The following COLEC11 variants were observed in gnomAD, a reference collection of about 807,000 sequenced individuals.
The protein encoded by COLEC11 is collectin subfamily member 11, also known as collectin-11.
Under a neutral mutation model 27.3 loss-of-function variants are expected in COLEC11, and 20 were observed. The observed-to-expected ratio is 0.73, with a 90% CI of 0.51 to 1.06. COLEC11 has a LOEUF of 1.06. COLEC11 is among the 50% of genes least tolerant of loss of function. The pLI is 0.00. For missense variants in COLEC11, 310 were observed against 383.0 expected (o/e 0.81, Z 1.59); for synonymous variants, 163 against 154.7 (o/e 1.05, Z -0.40).
chr2:3,606,208 C>T (rs141032325), intron 2 of COLEC11: 20 of 1,550,302 alleles, frequency 1.3e-5, no homozygotes, highest in African/African-American at 2.7e-5. Flanking sequence ...TGGGTGCCTC[C>T]GAGTCCCTAC....
Position 3,640,279 on chromosome 2 carries a change from T to A in COLEC11, c.276T>A (p.Gly92=). 6.3e-7 allele frequency: 1 copy of A among 1,591,732 alleles called. No homozygotes were observed. Among genetic ancestry groups the A allele is most frequent in the Non-Finnish European group, 8.6e-7 (1 of 1,159,712 alleles). ...TTGGACCTTGTTTTTTATTTTCAGG[T>A]GAGAAAGGAGATTCCGGTGACATAG... The part of the protein sequence containing the change: ...HGKIGPIGSK[G]EKGDSGDIGP... Residue 92 remains glycine (G), a splice_region_variant and synonymous_variant, in exon 5 of 7, where the codon GGT becomes GGA. Coordinates refer to ENST00000349077, the MANE Select transcript of COLEC11 (RefSeq NM_024027.5).
At chr2:3,614,783 G>A (rs184206230) in intron 3 of COLEC11, among the ~76,000 whole-genome samples, 173 of 151,838 alleles carry the variant, frequency 1.1e-3, no homozygotes, top group African/African-American at 4.0e-3. Context: ...CAAAGTAAAC[G>A]AAAAAAAGTT....
intron 5 of COLEC11, among the ~76,000 whole-genome samples, chr2:3,641,886 C>T (rs542517003): frequency 1.3e-5 from 2 of 152,278 alleles, no homozygotes; most frequent in South Asian, 2.1e-4. Flanking sequence ...ACCCGCACAC[C>T]GCAGCGATGG....
intron 2 of COLEC11, among the ~76,000 whole-genome samples, chr2:3,604,809 A>G (rs1662512575): frequency 6.6e-6 from 1 of 152,124 alleles, no homozygotes; most frequent in Admixed American, 6.5e-5. Context: ...ACCATTTTAC[A>G]GATAAGGAAA....
chr2:3,613,376 G>GAAA lies in COLEC11; in HGVS notation c.199_201dup (p.Lys67dup). ...GCCTGGAAGAGTCGGCCCCACGGGA[G>GAAA]AAAAAGGTACCTGCAGCCCTGGGCC... On this transcript the variant is annotated inframe_insertion, in exon 3 of 7. Transcript: ENST00000349077. 2.5e-6 allele frequency: 4 copies of GAAA among 1,598,804 alleles called. No homozygotes were observed. Among genetic ancestry groups the GAAA allele is most frequent in the Non-Finnish European group, 3.4e-6 (4 of 1,172,676 alleles).
intron 3 of COLEC11, among the ~76,000 whole-genome samples, chr2:3,633,940 TATC>T (rs1665198649): frequency 6.6e-6 from 1 of 152,146 alleles, no homozygotes; most frequent in Admixed American, 6.5e-5. Flanking sequence ...TTTCAGGGAA[TATC>T]AGCTTTTCTG....
chr2:3,615,616 C>T (rs965161312), intron 3 of COLEC11, among the ~76,000 whole-genome samples: 5 of 152,274 alleles, frequency 3.3e-5, no homozygotes, highest in African/African-American at 9.6e-5. Flanking sequence ...ACAAAACCGC[C>T]ATCGTCATCA....
intron 2 of COLEC11, chr2:3,605,886 T>G: frequency 1.8e-6 from 1 of 545,074 alleles, no homozygotes; most frequent in Non-Finnish European, 3.1e-6. Context: ...GGCTGGGGGC[T>G]TTTTTCCGGC....
intron 3 of COLEC11, among the ~76,000 whole-genome samples, chr2:3,633,399 G>C (rs575718839): frequency 3.3e-5 from 5 of 152,354 alleles, no homozygotes; most frequent in African/African-American, 4.8e-5. Context: ...TGAATCACAC[G>C]GCCAGATGTT....
intron 1 of COLEC11, among the ~76,000 whole-genome samples, chr2:3,598,652 G>C (rs996448570): frequency 6.6e-6 from 1 of 152,204 alleles, no homozygotes; most frequent in Admixed American, 6.5e-5. Flanking sequence ...TGAGCACAGG[G>C]GAGAAGGGTG....
chr2:3,631,610 C>A (rs987848964), intron 3 of COLEC11, among the ~76,000 whole-genome samples: 1 of 152,156 alleles, frequency 6.6e-6, no homozygotes, highest in East Asian at 1.9e-4. Flanking sequence ...GTTTGGGCCA[C>A]CTGTAGCCAC....
At position 3,602,672 on chromosome 2, in the gene COLEC11, A is replaced by G. The variant is rs1488727835; in HGVS notation, c.-26-1643A>G. Among the ~76,000 whole-genome samples, 1 of 151,962 alleles carries G rather than the reference A, an allele frequency of 6.6e-6. No individual in the cohort carries two copies. The highest frequency in any genetic ancestry group is 1.5e-5 in the Non-Finnish European group (1 of 67,994). ...TTTGTAAAGCCGCTCGCTGATCCAG[A>G]CCCTCTGTCTCATACAGAGCAACCC... On this transcript the variant is annotated intron_variant, in intron 1 of 6. Coordinates refer to ENST00000349077, the MANE Select transcript of COLEC11 (RefSeq NM_024027.5). This position sits in a 1 kb window ranked among gnomAD's most constrained non-coding sequence, Gnocchi z 6.2.
At chr2:3,615,603 T>A (rs1181050892) in intron 3 of COLEC11, among the ~76,000 whole-genome samples, 1 of 152,256 alleles carries the variant, frequency 6.6e-6, no homozygotes, top group Non-Finnish European at 1.5e-5. Flanking sequence ...CCTTTTCTAT[T>A]TGACAAAACC....
chr2:3,627,840 C>G (rs912614390), intron 3 of COLEC11, among the ~76,000 whole-genome samples: 2 of 152,144 alleles, frequency 1.3e-5, no homozygotes, highest in South Asian at 4.1e-4. Context: ...TAACACTGGG[C>G]GTGATGACAA....
intron 1 of COLEC11, among the ~76,000 whole-genome samples, chr2:3,600,731 G>A (rs1662156008): frequency 6.6e-6 from 1 of 152,224 alleles, no homozygotes; most frequent in Non-Finnish European, 1.5e-5. Context: ...TGTGTGGTTA[G>A]ACCTCGTCAT....
intron 3 of COLEC11, among the ~76,000 whole-genome samples, chr2:3,636,667 C>T (rs1558516494): frequency 1.3e-5 from 2 of 152,186 alleles, no homozygotes; most frequent in Non-Finnish European, 2.9e-5. Flanking sequence ...TGTTTGATGT[C>T]TGCTGGTTGG....
chr2:3,637,476 A>T, intron 3 of COLEC11, 57 bp from the exon 4 acceptor site: 1 of 1,364,130 alleles, frequency 7.3e-7, no homozygotes, highest in Non-Finnish European at 1.1e-6. Flanking sequence ...TGTGTGATGG[A>T]GGAGGCCACG....
At chr2:3,634,311 AAT>A (rs576519724) in intron 3 of COLEC11, among the ~76,000 whole-genome samples, 80 of 152,272 alleles carry the variant, frequency 5.3e-4, no homozygotes, top group South Asian at 2.1e-3. Flanking sequence ...TCAGACAGAT[AAT>A]AGTTTTTAAA....
intron 2 of COLEC11, among the ~76,000 whole-genome samples, chr2:3,613,065 G>A (rs932209702): frequency 2.6e-5 from 4 of 152,326 alleles, no homozygotes; most frequent in Admixed American, 6.5e-5. Flanking sequence ...GGGGTAACTG[G>A]TGAGAGAAAC....
Sources: allele counts gnomAD v4.1 joint callset (sites outside exome capture counted in the v4.1 genomes callset), GRCh38; gene constraint gnomAD v4.1.1; non-coding constraint Gnocchi (gnomAD v3.1); transcripts MANE v1.5; gene names NCBI Gene and HGNC (gene_info 2026-07-23, HGNC 2026-07-21).